LIMCH1: variants seen among roughly 807,000 people sequenced by gnomAD.
LIMCH1 encodes LIM and calponin homology domains 1.
A neutral mutation model predicts 176.5 loss-of-function variants in LIMCH1; 113 were observed. The ratio of observed to expected loss-of-function variants is 0.64; its 90% CI spans 0.55 to 0.75. LIMCH1 has a LOEUF of 0.75. Among genes scored for constraint, LIMCH1 ranks in the 30% least tolerant of loss-of-function variants. The pLI is 0.00. For synonymous variants in LIMCH1, 619 were observed against 645.9 expected (o/e 0.96, Z 0.63); for missense variants, 1,674 against 1,814.9 (o/e 0.92, Z 1.41).
At chr4:41,471,060 A>G (rs1344534789) in intron 1 of LIMCH1, among the ~76,000 whole-genome samples, 1 of 149,254 alleles carries the variant, frequency 6.7e-6, no homozygotes, top group Non-Finnish European at 1.5e-5. Flanking sequence ...TAGATGGAAG[A>G]CTAATCATGT....
intron 1 of LIMCH1, among the ~76,000 whole-genome samples, chr4:41,452,979 A>G (rs2064081009): frequency 6.6e-6 from 1 of 152,156 alleles, no homozygotes; most frequent in Admixed American, 6.5e-5. Context: ...ATTTGAGTGA[A>G]TACTTCAGTG....
At chr4:41,636,516 C>T (rs1486008377) in intron 13 of LIMCH1, among the ~76,000 whole-genome samples, 1 of 151,978 alleles carries the variant, frequency 6.6e-6, no homozygotes, top group Non-Finnish European at 1.5e-5. Flanking sequence ...ATTCCTTAAA[C>T]CCCCAGTACA....
intron 1 of LIMCH1, among the ~76,000 whole-genome samples, chr4:41,410,931 A>G (rs2059422584): frequency 6.6e-6 from 1 of 152,196 alleles, no homozygotes; most frequent in African/African-American, 2.4e-5. Context: ...GCCCATCCGG[A>G]TAAATGAACT....
intron 30 of LIMCH1, among the ~76,000 whole-genome samples, chr4:41,690,159 A>G (rs975502227): frequency 1.2e-4 from 18 of 152,170 alleles, no homozygotes; most frequent in Admixed American, 7.9e-4. Context: ...AGACTAAGTT[A>G]TCTTTGTTAT....
At chr4:41,636,173 G>A (rs2093578224) in intron 13 of LIMCH1, among the ~76,000 whole-genome samples, 1 of 151,054 alleles carries the variant, frequency 6.6e-6, no homozygotes, top group Admixed American at 6.6e-5. Flanking sequence ...AGCCTCCCAA[G>A]TGTTGGGATT....
intron 2 of LIMCH1, among the ~76,000 whole-genome samples, chr4:41,510,134 C>T (rs1460716818): frequency 1.3e-5 from 2 of 150,084 alleles, no homozygotes; most frequent in Admixed American, 6.6e-5. Flanking sequence ...CACTTGGAAC[C>T]ACTTCCCTCA....
At chr4:41,654,041 A>G (rs1426061940) in intron 18 of LIMCH1, among the ~76,000 whole-genome samples, 3 of 152,196 alleles carry the variant, frequency 2.0e-5, no homozygotes, top group Non-Finnish European at 2.9e-5. Context: ...GTTTTTTGAA[A>G]TAGAAGAATA....
Position 41,619,407 on chromosome 4 carries a change from C to T in LIMCH1, c.425C>T (p.Ala142Val). ...REEYRKSWSTATSPLGGERPF... is the reference protein window; with the variant it reads ...REEYRKSWSTVTSPLGGERPF... ...GAATACCGCAAGAGCTGGAGTACCG[C>T]CACCTCCCCGCTGGGTGGGGAGAGG... Residue 142 changes from alanine (A) to valine (V), a missense_variant, in exon 6 of 32, where the codon GCC (alanine) becomes GTC (valine). Physicochemically the swap from Ala to Val is moderately conservative, Grantham distance 64. Transcript: ENST00000503057. The T allele has an allele frequency of 6.2e-7, 1 of 1,612,208 alleles. No homozygotes were observed. The highest frequency in any genetic ancestry group is 8.5e-7 in the Non-Finnish European group (1 of 1,180,016).
At chr4:41,445,669 T>C (rs879174880) in intron 1 of LIMCH1, among the ~76,000 whole-genome samples, 18 of 152,362 alleles carry the variant, frequency 1.2e-4, no homozygotes, top group Admixed American at 7.8e-4. Context: ...GTGACCTGTA[T>C]CTTTCCACGA....
intron 4 of LIMCH1, among the ~76,000 whole-genome samples, chr4:41,607,966 G>A (rs1194419615): frequency 6.6e-6 from 1 of 152,176 alleles, no homozygotes; most frequent in Non-Finnish European, 1.5e-5. Flanking sequence ...ATCTCATTTT[G>A]TCAGTTAGGA....
intron 1 of LIMCH1, among the ~76,000 whole-genome samples, chr4:41,560,384 G>A (rs1201314395): frequency 1.3e-5 from 2 of 152,288 alleles, no homozygotes; most frequent in Non-Finnish European, 2.9e-5. Flanking sequence ...GGCTTTCAGG[G>A]CCACACAAGT....
intron 10 of LIMCH1, 57 bp downstream of exon 10, chr4:41,631,534 T>C: frequency 1.5e-6 from 2 of 1,375,964 alleles, no homozygotes; most frequent in Non-Finnish European, 1.9e-6. Context: ...GCTGCTTTTG[T>C]AGAGTTTGCT....
intron 1 of LIMCH1, among the ~76,000 whole-genome samples, chr4:41,590,531 A>G (rs1329404170): frequency 8.6e-5 from 13 of 152,018 alleles, no homozygotes; most frequent in Non-Finnish European, 1.6e-4. Context: ...CTGCCTAAAG[A>G]ACAGTCTAGA....
chr4:41,603,009 G>A (rs2090192126), intron 2 of LIMCH1, among the ~76,000 whole-genome samples: 1 of 151,898 alleles, frequency 6.6e-6, no homozygotes, highest in Admixed American at 6.6e-5. Flanking sequence ...AATTTCAATG[G>A]ACTTAAAATG....
intron 18 of LIMCH1, among the ~76,000 whole-genome samples, chr4:41,655,567 CA>C (rs2094439138): frequency 6.6e-6 from 1 of 152,188 alleles, no homozygotes; most frequent in Admixed American, 6.5e-5. Flanking sequence ...TCTTCTAACT[CA>C]ACTTGTTGTT....
chr4:41,547,388 A>G (rs990054330), intron 1 of LIMCH1, among the ~76,000 whole-genome samples: 7 of 151,898 alleles, frequency 4.6e-5, no homozygotes, highest in Non-Finnish European at 8.8e-5. Context: ...TTTAGATTCC[A>G]AGTATAAGTG....
chr4:41,656,070 C>T (rs2094455990), intron 18 of LIMCH1, among the ~76,000 whole-genome samples: 1 of 152,218 alleles, frequency 6.6e-6, no homozygotes, highest in East Asian at 1.9e-4. Flanking sequence ...CCAAACTCAC[C>T]TATTGGGTAT....
chr4:41,463,173 A>T (rs1051801667), intron 1 of LIMCH1, among the ~76,000 whole-genome samples: 46 of 55,442 alleles, frequency 8.3e-4, no homozygotes, highest in African/African-American at 8.0e-3. Context: ...AAATTCATTA[A>T]AAAAAAAAAC....
chr4:41,394,191 T>G (rs1380422476), intron 1 of LIMCH1, among the ~76,000 whole-genome samples: 1 of 152,196 alleles, frequency 6.6e-6, no homozygotes, highest in African/African-American at 2.4e-5. Context: ...CAGTTTTGAT[T>G]GAGTCCTACC....
Sources: gnomAD v4.1 joint callset for allele counts (sites outside exome capture counted in the v4.1 genomes callset) on GRCh38, gnomAD v4.1.1 for gene constraint, MANE v1.5 for transcripts, NCBI Gene and HGNC (gene_info 2026-07-23, HGNC 2026-07-21) for gene names.